Variants in LRRK2 observed in about 807,000 individuals in gnomAD.
The protein encoded by LRRK2 is leucine rich repeat kinase 2, also known as leucine-rich repeat serine/threonine-protein kinase 2.
In LRRK2, 203 loss-of-function variants were observed where a neutral mutation model predicts 302.6. The observed-to-expected ratio is 0.67, with a 90% CI of 0.60 to 0.75. LRRK2 has a LOEUF of 0.75. LRRK2 is among the 30% of genes least tolerant of loss of function. LRRK2 has a pLI of 0.00. For missense variants in LRRK2, 2,830 were observed against 2,951.0 expected (o/e 0.96, Z 0.95); for synonymous variants, 1,066 against 1,031.9 (o/e 1.03, Z -0.63).
intron 4 of LRRK2, among the ~76,000 whole-genome samples, chr12:40,236,828 G>C (rs2136416863): frequency 6.6e-6 from 1 of 152,200 alleles, no homozygotes; most frequent in Admixed American, 6.5e-5. Context: ...CTTTAACCAT[G>C]ATTTAATTTA....
chr12:40,353,970 G>A (rs5017705), intron 44 of LRRK2, among the ~76,000 whole-genome samples: 3 of 152,172 alleles, frequency 2.0e-5, no homozygotes, highest in South Asian at 2.1e-4. Flanking sequence ...AGAGGGAGAC[G>A]GTGGAAAGAG....
chr12:40,263,687 A>G, intron 13 of LRRK2, 102 bp from the exon 14 acceptor site: 1 of 818,920 alleles, frequency 1.2e-6, no homozygotes, highest in Middle Eastern at 3.6e-4. Flanking sequence ...TACAACACAT[A>G]TATTGTGAGA....
intron 41 of LRRK2, among the ~76,000 whole-genome samples, chr12:40,345,040 G>T (rs1946151434): frequency 6.6e-6 from 1 of 152,024 alleles, no homozygotes; most frequent in African/African-American, 2.4e-5. Flanking sequence ...TCCATCTTTT[G>T]CTGGTAGTCT....
At chr12:40,244,865 C>G (rs1941906154) in intron 7 of LRRK2, among the ~76,000 whole-genome samples, 1 of 151,178 alleles carries the variant, frequency 6.6e-6, no homozygotes, top group Non-Finnish European at 1.5e-5. Flanking sequence ...CACATGTACC[C>G]TAAAACTTAA....
intron 50 of LRRK2, 145 bp downstream of exon 50, chr12:40,367,222 G>A (rs1403429480): frequency 1.4e-6 from 1 of 697,304 alleles, no homozygotes; most frequent in Non-Finnish European, 2.4e-6. Flanking sequence ...AAAGAACTTA[G>A]ACATAAATTT....
intron 14 of LRRK2, 36 bp from the exon 15 acceptor site, chr12:40,274,547 T>G (rs1943368255): frequency 3.1e-6 from 5 of 1,609,906 alleles, no homozygotes; most frequent in Non-Finnish European, 2.5e-6. Flanking sequence ...AGTATTAAGA[T>G]CTCATTTTTA....
At chr12:40,231,270 G>A (rs997780799) in intron 2 of LRRK2, among the ~76,000 whole-genome samples, 1 of 151,490 alleles carries the variant, frequency 6.6e-6, no homozygotes, top group Non-Finnish European at 1.5e-5. Context: ...AACCTACTAA[G>A]GGCCAGGTGC....
chr12:40,304,460 G>C (rs1944742542), intron 27 of LRRK2: 1 of 297,670 alleles, frequency 3.4e-6, no homozygotes. Flanking sequence ...TAATCTGAAA[G>C]CTAAACAGCT....
chr12:40,343,611 C>T (rs547078529), intron 41 of LRRK2, among the ~76,000 whole-genome samples: 5 of 152,158 alleles, frequency 3.3e-5, no homozygotes, highest in Middle Eastern at 3.4e-3. Context: ...TTACTTATTG[C>T]GTTTGTTAAA....
At chr12:40,294,429 G>A (rs535468692) in intron 21 of LRRK2, among the ~76,000 whole-genome samples, 23 of 152,122 alleles carry the variant, frequency 1.5e-4, no homozygotes, top group Admixed American at 7.9e-4. Context: ...TATGAGGGTT[G>A]TTTTGTGTTA....
chr12:40,231,003 A>T (rs1001418131), intron 2 of LRRK2, among the ~76,000 whole-genome samples: 1 of 152,088 alleles, frequency 6.6e-6, no homozygotes, highest in East Asian at 1.9e-4. Flanking sequence ...GCCATTGAGG[A>T]GTTCTACCTC....
intron 2 of LRRK2, among the ~76,000 whole-genome samples, chr12:40,229,860 G>T (rs532958959): frequency 6.6e-6 from 1 of 150,656 alleles, no homozygotes; most frequent in Non-Finnish European, 1.5e-5. Context: ...TTTGCAAAGC[G>T]TTTACTGATA....
rs534903537 is a variant in LRRK2 at position 40,233,041 on chromosome 12, C to G, written c.347+658C>G. On this transcript the variant is annotated intron_variant, in intron 3 of 50. Transcript: ENST00000298910. The stretch of plus-strand genomic sequence containing the variant: ...AGAAGAATGTGTTTCCAGGAAAATA[C>G]ATTTTGGATAGCTTTGTTTCTTGAC... Among the ~76,000 whole-genome samples the G allele has an allele frequency of 5.9e-5, 9 of 152,198 alleles. No homozygotes were observed. The South Asian group carries it at 1.9e-3, about 32-fold the overall frequency.
At chr12:40,326,484 A>C (rs1400378059) in intron 38 of LRRK2, among the ~76,000 whole-genome samples, 1 of 151,762 alleles carries the variant, frequency 6.6e-6, no homozygotes, top group Non-Finnish European at 1.5e-5. Context: ...AAAGAAAAAA[A>C]AAAAGAAAAA....
chr12:40,272,247 A>G (rs1331680231), intron 14 of LRRK2, among the ~76,000 whole-genome samples: 1 of 152,210 alleles, frequency 6.6e-6, no homozygotes, highest in Non-Finnish European at 1.5e-5. Flanking sequence ...AATCAAACAG[A>G]AAGTTCAGAA....
chr12:40,250,315 C>A (rs1288848881), intron 8 of LRRK2, among the ~76,000 whole-genome samples: 1 of 152,008 alleles, frequency 6.6e-6, no homozygotes, highest in Non-Finnish European at 1.5e-5. Flanking sequence ...CATGGTGAAA[C>A]CCCATCTCTA....
At chr12:40,281,359 G>A (rs1170541072) in intron 18 of LRRK2, among the ~76,000 whole-genome samples, 1 of 152,136 alleles carries the variant, frequency 6.6e-6, no homozygotes, top group African/African-American at 2.4e-5. Flanking sequence ...TAATTTCTTG[G>A]CTACACAGCA....
chr12:40,320,948 C>G, intron 34 of LRRK2, 86 bp from the exon 35 acceptor site: 1 of 1,423,850 alleles, frequency 7.0e-7, no homozygotes, highest in South Asian at 1.2e-5. Context: ...TGATTACCTT[C>G]ATTGACTTTA....
In LRRK2 at chr12:40,304,456, G is replaced by A. The variant is rs1164697658; in HGVS notation, c.3777+322G>A. 4.5e-5 allele frequency: 14 copies of A among 310,844 alleles called. No individual in the cohort carries two copies. The East Asian group carries it at 7.7e-4, about 17-fold the overall frequency. 19.3% of individuals were successfully genotyped at this position (310,844 alleles called of 1,614,324 possible). ...TATACTTATCAGAACCTTTTAATCT[G>A]AAAGCTAAACAGCTAGATATAAATT... On this transcript the variant is annotated intron_variant, in intron 27 of 50. Transcript: ENST00000298910.
Sources: allele counts gnomAD v4.1 joint callset (sites outside exome capture counted in the v4.1 genomes callset), GRCh38; gene constraint gnomAD v4.1.1; transcripts MANE v1.5; gene names NCBI Gene and HGNC (gene_info 2026-07-23, HGNC 2026-07-21).